The following TET1 variants were observed in gnomAD, a reference collection of about 807,000 sequenced individuals.
TET1 encodes the protein tet methylcytosine dioxygenase 1.
In TET1, 13 loss-of-function variants were observed where a neutral mutation model predicts 148.7. The observed-to-expected ratio is 0.09, with a 90% CI of 0.06 to 0.14. The LOEUF (loss-of-function observed/expected upper bound fraction) is 0.14, where lower values mean the gene tolerates loss of function less well. Ranked by LOEUF, TET1 falls within the 10% of genes least tolerant of loss-of-function variation. The probability of loss-of-function intolerance (pLI) is 1.00; values close to 1 mark genes in which losing one functional copy is unlikely to be tolerated. For missense variants in TET1, 2,182 were observed against 2,553.8 expected, an observed-to-expected ratio of 0.85 and a Z score of 3.14; for synonymous variants, 907 against 937.2, an observed-to-expected ratio of 0.97 and a Z score of 0.59.
At chr10:68,567,189 T>C (rs899132381) in intron 1 of TET1, among the ~76,000 whole-genome samples, 2 of 152,124 alleles carry the variant, frequency 1.3e-5, no homozygotes, top group African/African-American at 4.8e-5. Context: ...TGGGAGCCCA[T>C]TGAAACCTCA....
In TET1 at chr10:68,691,733, A is replaced by G; in HGVS notation, c.6330A>G (p.Leu2110=). ...ACCAAATTCCTTCTCATAAAGCATTAACATTAACCCATGACAATGTTGTCA... is the reference window on the plus strand; with the variant it reads ...ACCAAATTCCTTCTCATAAAGCATTGACATTAACCCATGACAATGTTGTCA... The part of the protein sequence containing the change: ...ELNQIPSHKA[L]TLTHDNVVTV... The change falls in exon 12 of 12, where the codon TTA becomes TTG. Residue 2110 remains leucine (L), a synonymous_variant. Coordinates refer to ENST00000373644, the MANE Select transcript of TET1 (RefSeq NM_030625.3). This position sits in a 1 kb window ranked among gnomAD's most constrained non-coding sequence, Gnocchi z 4.4. The G allele has an allele frequency of 6.2e-7, 1 of 1,614,140 alleles. No individual in the cohort carries two copies. Among genetic ancestry groups the G allele is most frequent in the Non-Finnish European group, 8.5e-7 (1 of 1,180,036 alleles).
intron 2 of TET1, among the ~76,000 whole-genome samples, chr10:68,597,547 A>G (rs1194218212): frequency 6.6e-6 from 1 of 152,224 alleles, no homozygotes; most frequent in African/African-American, 2.4e-5. Flanking sequence ...TGCGGCTGCT[A>G]TGGTAAACAA....
At chr10:68,618,030 T>A (rs1463892650) in intron 3 of TET1, among the ~76,000 whole-genome samples, 3 of 152,012 alleles carry the variant, frequency 2.0e-5, no homozygotes, top group African/African-American at 4.8e-5. Context: ...CAAGTGATCC[T>A]CCTGAGGCAT....
At chr10:68,676,204 GTATAT>G (rs2055347976) in intron 8 of TET1, among the ~76,000 whole-genome samples, 2 of 95,348 alleles carry the variant, frequency 2.1e-5, no homozygotes, top group East Asian at 6.7e-4. Flanking sequence ...AGATATATAT[GTATAT>G]ATATACACAT....
Position 68,646,899 on chromosome 10 carries a change from T to C in TET1, c.4170T>C (p.Ser1390=). 2 of 1,614,146 alleles carry C rather than the reference T, an allele frequency of 1.2e-6. No individual in the cohort carries two copies. The highest frequency in any genetic ancestry group is 1.7e-6 in the Non-Finnish European group (2 of 1,180,024). ...FGTSEFSTVD[S]AQKNFNDYAM... ...CATCAGAATTTTCCACAGTGGACAG[T>C]GCACAGAAAAATTTTAATGATTATG... The change falls in exon 4 of 12, where the codon AGT becomes AGC. Residue 1390 remains serine, a synonymous_variant. Coordinates refer to ENST00000373644, the MANE Select transcript of TET1 (RefSeq NM_030625.3).
intron 2 of TET1, among the ~76,000 whole-genome samples, chr10:68,582,591 G>T (rs893788270): frequency 1.3e-5 from 2 of 152,120 alleles, no homozygotes; most frequent in Admixed American, 6.6e-5. Context: ...GCCTTTCCAT[G>T]TGATAATTGT....
intron 3 of TET1, among the ~76,000 whole-genome samples, chr10:68,612,875 C>T (rs1468462108): frequency 1.3e-5 from 2 of 152,144 alleles, no homozygotes; most frequent in Admixed American, 6.6e-5. Context: ...ACCTCAGACT[C>T]CCAAAGTGCT....
chr10:68,639,127 T>C (rs2133058337), intron 3 of TET1, among the ~76,000 whole-genome samples: 1 of 152,244 alleles, frequency 6.6e-6, no homozygotes, highest in Admixed American at 6.5e-5. Context: ...GAATGTCTTA[T>C]GAAGATTTTC....
At chr10:68,690,560 G>A (rs2055575967) in intron 11 of TET1, among the ~76,000 whole-genome samples, 1 of 152,184 alleles carries the variant, frequency 6.6e-6, no homozygotes, top group African/African-American at 2.4e-5. Flanking sequence ...TCCAGCCTGG[G>A]GGACAGAGCG....
At position 68,686,360 on chromosome 10, in the gene TET1, G is replaced by A; in HGVS notation, c.5057G>A (p.Cys1686Tyr). Residue 1686 changes from cysteine (C) to tyrosine (Y), a missense_variant, in exon 11 of 12, where the codon TGT (cysteine) becomes TAT (tyrosine). Physicochemically the swap from Cys to Tyr is radical, Grantham distance 194. Coordinates refer to ENST00000373644, the MANE Select transcript of TET1 (RefSeq NM_030625.3). Reference sequence around the variant, plus strand: ...TCATGTTTTTCTCCCTATCAGGTTTGTACCTTAACTCGAGAAGATAACCGC... The same window carrying A: ...TCATGTTTTTCTCCCTATCAGGTTTATACCTTAACTCGAGAAGATAACCGC... ...HNMNNGSTVV[C>Y]TLTREDNRSL... 6.2e-7 allele frequency: 1 copy of A among 1,600,542 alleles called. No homozygotes were observed. The highest frequency in any genetic ancestry group is 1.7e-5 in the Admixed American group (1 of 58,450).
intron 4 of TET1, among the ~76,000 whole-genome samples, chr10:68,648,536 C>T (rs2054885177): frequency 6.6e-6 from 1 of 152,180 alleles, no homozygotes; most frequent in African/African-American, 2.4e-5. Context: ...GGAAGTCTTA[C>T]TTAAAATATG....
chr10:68,616,950 A>G (rs985182072), intron 3 of TET1, among the ~76,000 whole-genome samples: 48 of 117,594 alleles, frequency 4.1e-4, no homozygotes, highest in African/African-American at 1.6e-3. Context: ...CTCGTGATCC[A>G]CCCGCCTCGG....
At chr10:68,637,145 C>T (rs564012805) in intron 3 of TET1, among the ~76,000 whole-genome samples, 12 of 151,968 alleles carry the variant, frequency 7.9e-5, no homozygotes, top group African/African-American at 2.2e-4. Context: ...ATTACAGGCA[C>T]GTGCCACCAT....
At position 68,569,571 on chromosome 10, in the gene TET1, A is replaced by G. The variant is rs904095140; in HGVS notation, c.-122-2646A>G. Among the ~76,000 whole-genome samples the G allele has an allele frequency of 1.2e-4, 19 of 152,154 alleles. 1 individual carries two copies. Among genetic ancestry groups the G allele is most frequent in the Non-Finnish European group, 1.3e-4 (9 of 68,028 alleles). ...CCCAGTATAGGGATATGCTCAGGAA[A>G]GAGATAATTTTTAAAGTATCCAAAT... On this transcript the variant is annotated intron_variant, in intron 1 of 11. Coordinates refer to ENST00000373644, the MANE Select transcript of TET1 (RefSeq NM_030625.3).
At chr10:68,589,334 C>CTTATTCTCTT in intron 2 of TET1, among the ~76,000 whole-genome samples, 1 of 152,144 alleles carries the variant, frequency 6.6e-6, no homozygotes, top group South Asian at 2.1e-4. Context: ...GTGAAAGTTT[C>CTTATTCTCTT]TTATTCTCTT....
In TET1 at chr10:68,683,271, T is replaced by A. The variant is rs191436231; in HGVS notation, c.5052+298T>A. 4.2e-3 allele frequency among the ~76,000 whole-genome samples: 642 copies of A among 152,254 alleles called. 8 individuals are homozygous for A. The highest frequency in any genetic ancestry group is 0.014 in the African/African-American group (574 of 41,542). Reference sequence around the variant, plus strand: ...GCTGGGAGGCAGGAGTACTTTTTTTTAAATTTATTTATTTATTTATTTTTT... The same window carrying A: ...GCTGGGAGGCAGGAGTACTTTTTTTAAAATTTATTTATTTATTTATTTTTT... On this transcript the variant is annotated intron_variant, in intron 10 of 11. Coordinates refer to ENST00000373644, the MANE Select transcript of TET1 (RefSeq NM_030625.3).
At chr10:68,581,090 A>G (rs1393378600) in intron 2 of TET1, among the ~76,000 whole-genome samples, 1 of 152,140 alleles carries the variant, frequency 6.6e-6, no homozygotes, top group African/African-American at 2.4e-5. Context: ...TTGACTGCTA[A>G]CTCCTCGGAT....
chr10:68,584,363 A>C (rs542625949), intron 2 of TET1, among the ~76,000 whole-genome samples: 1 of 151,746 alleles, frequency 6.6e-6, no homozygotes, highest in African/African-American at 2.4e-5. Flanking sequence ...AAATCTTACA[A>C]ATACATATGA....
intron 3 of TET1, chr10:68,632,440 G>T: frequency 3.1e-6 from 5 of 1,612,400 alleles, no homozygotes; most frequent in Non-Finnish European, 4.2e-6. Context: ...ATTTTTAGAT[G>T]TTGAAAATAC....
Sources: allele counts gnomAD v4.1 joint callset (sites outside exome capture counted in the v4.1 genomes callset), GRCh38; gene constraint gnomAD v4.1.1; non-coding constraint Gnocchi (gnomAD v3.1); transcripts MANE v1.5; gene names NCBI Gene and HGNC (gene_info 2026-07-23, HGNC 2026-07-21).